The following RAD51B variants were observed in gnomAD, a reference collection of about 807,000 sequenced individuals.
The protein encoded by RAD51B is RAD51 paralog B.
Under a neutral mutation model 42.2 loss-of-function variants are expected in RAD51B, and 38 were observed. That is an observed-to-expected ratio of 0.90 (90% CI 0.70 to 1.18). RAD51B has a LOEUF of 1.18. RAD51B is among the 50% of genes most tolerant of loss of function. The pLI, the probability that RAD51B is intolerant of heterozygous loss-of-function variation, is 0.00. For missense variants in RAD51B, 373 were observed against 400.7 expected, an observed-to-expected ratio of 0.93 and a Z score of 0.59; for synonymous variants, 154 against 145.2, an observed-to-expected ratio of 1.06 and a Z score of -0.43.
intron 7 of RAD51B, among the ~76,000 whole-genome samples, chr14:68,131,594 G>A (rs1364081726): frequency 6.6e-6 from 1 of 152,184 alleles, no homozygotes; most frequent in East Asian, 1.9e-4. Flanking sequence ...CACTTGGGAG[G>A]CTGAGGCAGG....
intron 11 of RAD51B, among the ~76,000 whole-genome samples, chr14:68,669,295 A>AG (rs1031058658): frequency 2.9e-4 from 44 of 152,244 alleles, no homozygotes; most frequent in African/African-American, 1.0e-3. Context: ...GGAAATATGT[A>AG]GGCCCCCTGA....
chr14:68,225,133 T>C (rs1335701320), intron 7 of RAD51B, among the ~76,000 whole-genome samples: 1 of 152,204 alleles, frequency 6.6e-6, no homozygotes, highest in South Asian at 2.1e-4. Flanking sequence ...TTTAGAAAAA[T>C]TTTGCAAACA....
intron 7 of RAD51B, among the ~76,000 whole-genome samples, chr14:68,182,612 G>A (rs2079078021): frequency 6.6e-6 from 1 of 152,166 alleles, no homozygotes; most frequent in Non-Finnish European, 1.5e-5. Flanking sequence ...CATACACATG[G>A]GTGTTCATGT....
Position 67,904,758 on chromosome 14 carries a change from G to C in RAD51B, c.756+17554G>C, listed in dbSNP as rs188998467. ...TTATGTCCTTTGCCCATTTTTAATGGATCTGTTTGTTTTTACTTGTTAATT... is the reference window on the plus strand; with the variant it reads ...TTATGTCCTTTGCCCATTTTTAATGCATCTGTTTGTTTTTACTTGTTAATT... On this transcript the variant is annotated intron_variant, in intron 7 of 10. Transcript: ENST00000471583. Among the ~76,000 whole-genome samples, 463 of 151,710 alleles carry C rather than the reference G, an allele frequency of 3.1e-3. 3 individuals are homozygous for C. The highest frequency in any genetic ancestry group is 4.1e-3 in the Non-Finnish European group (281 of 67,914).
intron 7 of RAD51B, among the ~76,000 whole-genome samples, chr14:68,132,645 C>T (rs142959984): frequency 1.3e-5 from 2 of 152,314 alleles, no homozygotes; most frequent in African/African-American, 2.4e-5. Flanking sequence ...GTGGAGAGGG[C>T]AGGCATCCCA....
intron 7 of RAD51B, among the ~76,000 whole-genome samples, chr14:67,948,746 A>G (rs901605297): frequency 6.6e-6 from 1 of 151,796 alleles, no homozygotes; most frequent in Non-Finnish European, 1.5e-5. Flanking sequence ...CCTGGCTAAC[A>G]TGGTGAAACC....
At chr14:68,289,794 A>G (rs1320164158) in intron 7 of RAD51B, among the ~76,000 whole-genome samples, 2 of 152,130 alleles carry the variant, frequency 1.3e-5, no homozygotes, top group South Asian at 4.1e-4. Flanking sequence ...AGGCTACTTG[A>G]CCATTTCCAG....
intron 7 of RAD51B, among the ~76,000 whole-genome samples, chr14:68,140,709 A>G (rs2078111787): frequency 6.6e-6 from 1 of 152,198 alleles, no homozygotes; most frequent in South Asian, 2.1e-4. Flanking sequence ...ACCCCCTGCC[A>G]TGCTCACAGA....
chr14:67,889,587 C>G (rs1235295975), intron 7 of RAD51B, among the ~76,000 whole-genome samples: 1 of 146,322 alleles, frequency 6.8e-6, no homozygotes, highest in Non-Finnish European at 1.5e-5. Context: ...GCTTTTCCCC[C>G]CCTTTCTCTA....
intron 9 of RAD51B, among the ~76,000 whole-genome samples, chr14:68,463,031 C>A (rs1440012730): frequency 6.6e-6 from 1 of 152,134 alleles, no homozygotes; most frequent in East Asian, 1.9e-4. Flanking sequence ...AGTACCTAGG[C>A]CTCCCTGCAG....
At chr14:68,071,838 T>A (rs2076744393) in intron 7 of RAD51B, among the ~76,000 whole-genome samples, 1 of 151,400 alleles carries the variant, frequency 6.6e-6, no homozygotes, top group Non-Finnish European at 1.5e-5. Context: ...ATAGGATAGG[T>A]AGAACTCTTC....
At chr14:68,436,680 C>A (rs536311440) in intron 9 of RAD51B, among the ~76,000 whole-genome samples, 2 of 152,122 alleles carry the variant, frequency 1.3e-5, no homozygotes, top group African/African-American at 4.8e-5. Context: ...CGGGGGGATC[C>A]TCTCTGATTT....
At chr14:68,665,700 G>A (rs942875684) in intron 11 of RAD51B, among the ~76,000 whole-genome samples, 1 of 152,210 alleles carries the variant, frequency 6.6e-6, no homozygotes, top group Admixed American at 6.5e-5. Context: ...TGCCCCTAGA[G>A]GTGCTTTTCC....
chr14:67,984,021 C>T (rs1430690784), intron 7 of RAD51B, among the ~76,000 whole-genome samples: 2 of 152,046 alleles, frequency 1.3e-5, no homozygotes, highest in East Asian at 3.9e-4. Context: ...TCACTGCAAC[C>T]TCTGCCTCCC....
At chr14:68,051,321 A>G (rs1389878303) in intron 7 of RAD51B, among the ~76,000 whole-genome samples, 1 of 152,124 alleles carries the variant, frequency 6.6e-6, no homozygotes, top group East Asian at 1.9e-4. Flanking sequence ...TGACTTAATG[A>G]CTGCAGAGTA....
At chr14:68,318,251 C>T (rs2082096721) in intron 8 of RAD51B, among the ~76,000 whole-genome samples, 1 of 152,192 alleles carries the variant, frequency 6.6e-6, no homozygotes, top group Admixed American at 6.5e-5. Context: ...CCATAGGCTG[C>T]TGTAACCTGG....
intron 7 of RAD51B, among the ~76,000 whole-genome samples, chr14:68,215,217 CTT>C (rs1177253187): frequency 2.0e-5 from 3 of 152,138 alleles, no homozygotes; most frequent in Non-Finnish European, 1.5e-5. Context: ...TTTTTAATCT[CTT>C]AGACACCAAT....
chr14:68,175,199 A>G (rs1182674602), intron 7 of RAD51B, among the ~76,000 whole-genome samples: 1 of 152,150 alleles, frequency 6.6e-6, no homozygotes, highest in East Asian at 1.9e-4. Context: ...TCCATTTTCC[A>G]TGCTTTTGCT....
At chr14:68,124,367 C>G (rs113668683) in intron 7 of RAD51B, among the ~76,000 whole-genome samples, 1,950 of 152,248 alleles carry the variant, frequency 0.013, 43 homozygotes, top group African/African-American at 0.045. Flanking sequence ...CAGAGAGTGG[C>G]AGATTAAGAA....
Sources: allele counts gnomAD v4.1 joint callset (sites outside exome capture counted in the v4.1 genomes callset), GRCh38; gene constraint gnomAD v4.1.1; transcripts MANE v1.5; gene names NCBI Gene and HGNC (gene_info 2026-07-23, HGNC 2026-07-21).